Variants in OR8D4 observed in about 807,000 individuals in gnomAD.
OR8D4 encodes the protein olfactory receptor 8D4.
For missense variants in OR8D4, 359 were observed against 372.6 expected, an observed-to-expected ratio of 0.96 and a Z score of 0.30; for synonymous variants, 141 against 134.8, an observed-to-expected ratio of 1.05 and a Z score of -0.32.
intron 1 of OR8D4, among the ~76,000 whole-genome samples, chr11:123,905,373 C>A (rs1430707991): frequency 6.6e-6 from 1 of 152,166 alleles, no homozygotes; most frequent in Non-Finnish European, 1.5e-5. Context: ...TGGCCTATCA[C>A]CAAGTAAGTT....
rs1309682642 is a variant in OR8D4 at position 123,907,133 on chromosome 11, G to A, written c.702G>A (p.Arg234=). The A allele has an allele frequency of 3.1e-6, 5 of 1,613,798 alleles. No homozygotes were observed. Among genetic ancestry groups the A allele is most frequent in the Non-Finnish European group, 4.2e-6 (5 of 1,179,922 alleles). ...SILRIHSKKG[R]CKAFSTCSSH... ...TGCGCATCCACTCTAAAAAGGGCAGGTGCAAAGCGTTTAGCACCTGTAGCT... is the reference window on the plus strand; with the variant it reads ...TGCGCATCCACTCTAAAAAGGGCAGATGCAAAGCGTTTAGCACCTGTAGCT... The change falls in exon 2 of 2, where the codon AGG becomes AGA. Residue 234 remains arginine, a synonymous_variant. Coordinates refer to ENST00000641687, the MANE Select transcript of OR8D4 (RefSeq NM_001005197.2).
chr11:123,902,564 A>G (rs1029817338), intron 1 of OR8D4, among the ~76,000 whole-genome samples: 3 of 152,152 alleles, frequency 2.0e-5, no homozygotes, highest in Non-Finnish European at 4.4e-5. Context: ...GTCTCATTTG[A>G]TTTGCATAAC....
intron 1 of OR8D4, 194 bp from the exon 2 acceptor site, chr11:123,906,223 G>T (rs1169509062): frequency 1.9e-6 from 1 of 527,726 alleles, no homozygotes; most frequent in African/African-American, 1.9e-5. Flanking sequence ...CCACTGGAGG[G>T]TATGGAAAAG....
Position 123,907,386 on chromosome 11 carries a change from T to C in OR8D4, c.*10T>C. 3 of 1,029,916 alleles carry C rather than the reference T, an allele frequency of 2.9e-6. No individual in the cohort carries two copies. The highest frequency in any genetic ancestry group is 4.4e-6 in the Non-Finnish European group (3 of 688,424). 63.8% of individuals were successfully genotyped at this position (1,029,916 alleles called of 1,614,324 possible). On this transcript the variant is annotated 3_prime_UTR_variant, in exon 2 of 2. Transcript: ENST00000641687. ...TTTATCTCCAGGATAAATATGCTCT[T>C]TATTAAGATCTATTTCTGTATTCAT...
At chr11:123,904,861 T>G (rs1226098604) in intron 1 of OR8D4, among the ~76,000 whole-genome samples, 1 of 152,190 alleles carries the variant, frequency 6.6e-6, no homozygotes, top group Non-Finnish European at 1.5e-5. Context: ...AATAGCCAGG[T>G]AGCTGGGCAG....
rs749430558 is a variant in OR8D4, at chr11:123,907,295, G to GAT, written c.870_871dup (p.Ser291IlefsTer3). On this transcript the variant is annotated frameshift_variant, in exon 2 of 2. Coordinates refer to ENST00000641687, the MANE Select transcript of OR8D4 (RefSeq NM_001005197.2). LOFTEE classifies it low-confidence loss of function (END_TRUNC). ...CTGTGATTCTCATGTTGAATCCCTT[G>GAT]ATATATAGTCTGAGGAACAATGAAG... The GAT allele has an allele frequency of 6.3e-7, 1 of 1,597,014 alleles. No homozygotes were observed. Among genetic ancestry groups the GAT allele is most frequent in the Non-Finnish European group, 8.6e-7 (1 of 1,165,942 alleles).
intron 1 of OR8D4, among the ~76,000 whole-genome samples, chr11:123,905,781 G>T (rs1863194060): frequency 1.3e-5 from 2 of 152,136 alleles, no homozygotes; most frequent in African/African-American, 4.8e-5. Flanking sequence ...AAAGCAAAAA[G>T]AGAAAGCAGA....
chr11:123,903,334 C>G (rs1354860169), intron 1 of OR8D4, among the ~76,000 whole-genome samples: 2 of 152,088 alleles, frequency 1.3e-5, no homozygotes, highest in African/African-American at 4.8e-5. Context: ...ACAAAACATA[C>G]TAGTAAAATG....
chr11:123,908,035 G>A lies in OR8D4; in HGVS notation c.*659G>A, dbSNP rs1281786948. 3 of 152,018 alleles carry A rather than the reference G, an allele frequency of 2.0e-5. No homozygotes were observed. Among genetic ancestry groups the A allele is most frequent in the Non-Finnish European group, 4.4e-5 (3 of 68,008 alleles). 9.4% of individuals were successfully genotyped at this position (152,018 alleles called of 1,614,324 possible). On this transcript the variant is annotated 3_prime_UTR_variant, in exon 2 of 2. Transcript: ENST00000641687. ...CTAATTTCAAAAAAAATTGAGCAGC[G>A]TGATGGAAATTATTACAACAATTTT...
At position 123,907,381 on chromosome 11, in the gene OR8D4, G is replaced by T; in HGVS notation, c.*5G>T. The stretch of plus-strand genomic sequence containing the variant: ...ATATCTTTATCTCCAGGATAAATAT[G>T]CTCTTTATTAAGATCTATTTCTGTA... On this transcript the variant is annotated 3_prime_UTR_variant, in exon 2 of 2. Transcript: ENST00000641687. 1.9e-6 allele frequency: 2 copies of T among 1,076,274 alleles called. No homozygotes were observed. The highest frequency in any genetic ancestry group is 3.0e-5 in the South Asian group (2 of 66,220). 66.7% of individuals were successfully genotyped at this position (1,076,274 alleles called of 1,614,324 possible). A position where few individuals can be genotyped will look rare whatever the true frequency, so the allele number is the denominator to read the frequency against.
At position 123,908,281 on chromosome 11, in the gene OR8D4, A is replaced by C. The variant is rs1863222365; in HGVS notation, c.*905A>C. 1 of 152,150 alleles carries C rather than the reference A, an allele frequency of 6.6e-6. No individual in the cohort carries two copies. Among genetic ancestry groups the C allele is most frequent in the Admixed American group, 6.6e-5 (1 of 15,262 alleles). 9.4% of individuals were successfully genotyped at this position (152,150 alleles called of 1,614,324 possible). A position where few individuals can be genotyped will look rare whatever the true frequency, so the allele number is the denominator to read the frequency against. On this transcript the variant is annotated 3_prime_UTR_variant, in exon 2 of 2. Coordinates refer to ENST00000641687, the MANE Select transcript of OR8D4 (RefSeq NM_001005197.2). The stretch of plus-strand genomic sequence containing the variant: ...TTAAAATGTCTTGTTTTTTTTCAGC[A>C]TGACCAGTATATGTGCAGTATTTTG...
At chr11:123,903,673 G>A (rs2137491049) in intron 1 of OR8D4, among the ~76,000 whole-genome samples, 1 of 152,252 alleles carries the variant, frequency 6.6e-6, no homozygotes, top group East Asian at 1.9e-4. Context: ...GTTAAATAAA[G>A]TAGATGCTGG....
In OR8D4 at chr11:123,906,420, T is replaced by G. The variant is rs376910916; in HGVS notation, c.-12T>G. 5.8e-6 allele frequency: 9 copies of G among 1,546,724 alleles called. No individual in the cohort carries two copies. Among genetic ancestry groups the G allele is most frequent in the Non-Finnish European group, 7.9e-6 (9 of 1,137,580 alleles). On this transcript the variant is annotated 5_prime_UTR_variant, in exon 2 of 2. Coordinates refer to ENST00000641687, the MANE Select transcript of OR8D4 (RefSeq NM_001005197.2). ...TTTTTCTCTCTCATCTCCACAGATT[T>G]CTCAGAGAAGAATGGGTGTAAAAAA...
rs1462960672 is a variant in OR8D4 at position 123,906,571 on chromosome 11, C to T, written c.140C>T (p.Ser47Leu). 6.2e-7 allele frequency: 1 copy of T among 1,613,674 alleles called. No homozygotes were observed. Among genetic ancestry groups the T allele is most frequent in the Non-Finnish European group, 8.5e-7 (1 of 1,179,752 alleles). ...GTGGTGGGAAACCTCAGCATGATCT[C>T]AATTATTAGGCTGAATCGTCAACTT... ...VTVVGNLSMI[S>L]IIRLNRQLHT... Residue 47 changes from serine (S) to leucine (L), a missense_variant, in exon 2 of 2, where the codon TCA becomes TTA. Transcript: ENST00000641687.
chr11:123,903,378 T>G (rs1160601727), intron 1 of OR8D4, among the ~76,000 whole-genome samples: 1 of 152,130 alleles, frequency 6.6e-6, no homozygotes, highest in Non-Finnish European at 1.5e-5. Context: ...TTTTACAAAA[T>G]GAACTTCTAG....
At position 123,906,636 on chromosome 11, in the gene OR8D4, T is replaced by G. The variant is rs1175494415; in HGVS notation, c.205T>G (p.Leu69Val). 26 of 1,613,814 alleles carry G rather than the reference T, an allele frequency of 1.6e-5. No homozygotes were observed. Among genetic ancestry groups the G allele is most frequent in the Non-Finnish European group, 2.2e-5 (26 of 1,179,794 alleles). ...CTATTTCCTGAGTAGTTTGTCTTTTTTAGATTTCTGCTATTCTTCTGTCAT... is the reference window on the plus strand; with the variant it reads ...CTATTTCCTGAGTAGTTTGTCTTTTGTAGATTTCTGCTATTCTTCTGTCAT... The part of the protein sequence containing the change: ...MYYFLSSLSF[L>V]DFCYSSVITP... The change falls in exon 2 of 2, where the codon TTA (leucine) becomes GTA (valine). Residue 69 changes from leucine (L) to valine (V), a missense_variant. Physicochemically the swap from Leu to Val is conservative, Grantham distance 32 (BLOSUM62 1). Transcript: ENST00000641687.
chr11:123,907,985 T>C lies in OR8D4; in HGVS notation c.*609T>C, dbSNP rs930945914. The C allele has an allele frequency of 6.6e-6, 1 of 152,108 alleles. No homozygotes were observed. Among genetic ancestry groups the C allele is most frequent in the African/African-American group, 2.4e-5 (1 of 41,434 alleles). 9.4% of individuals were successfully genotyped at this position (152,108 alleles called of 1,614,324 possible). ...GAAATCATCATCATGGTGTACTGCA[T>C]AGTCATATCAGAAGAAAACCACACC... On this transcript the variant is annotated 3_prime_UTR_variant, in exon 2 of 2. Coordinates refer to ENST00000641687, the MANE Select transcript of OR8D4 (RefSeq NM_001005197.2).
At chr11:123,904,329 A>G (rs10790607) in intron 1 of OR8D4, among the ~76,000 whole-genome samples, 111,752 of 151,960 alleles carry the variant, frequency 0.74, 41,451 homozygotes, top group African/African-American at 0.81. Flanking sequence ...TTGGAGAGGG[A>G]GCCCAGTAGG....
chr11:123,909,118 A>G lies in OR8D4; in HGVS notation c.*1742A>G, dbSNP rs1863229642. 1 of 152,154 alleles carries G rather than the reference A, an allele frequency of 6.6e-6. No individual in the cohort carries two copies. The highest frequency in any genetic ancestry group is 2.1e-4 in the South Asian group (1 of 4,822). 9.4% of individuals were successfully genotyped at this position (152,154 alleles called of 1,614,324 possible). A position where few individuals can be genotyped will look rare whatever the true frequency, so the allele number is the denominator to read the frequency against. On this transcript the variant is annotated 3_prime_UTR_variant, in exon 2 of 2. Coordinates refer to ENST00000641687, the MANE Select transcript of OR8D4 (RefSeq NM_001005197.2). The stretch of plus-strand genomic sequence containing the variant: ...AGATAGTGCTATTGGCCAGAGTGGA[A>G]GCAGAGAGGGTACTTTTGATGCTGT...
Sources: allele counts gnomAD v4.1 joint callset (sites outside exome capture counted in the v4.1 genomes callset), GRCh38; gene constraint gnomAD v4.1.1; transcripts MANE v1.5; gene names NCBI Gene and HGNC (gene_info 2026-07-23, HGNC 2026-07-21).